The following DDAH1 variants were observed in gnomAD, a reference collection of about 807,000 sequenced individuals.
DDAH1 encodes dimethylarginine dimethylaminohydrolase 1.
Under a neutral mutation model 28.8 loss-of-function variants are expected in DDAH1, and 19 were observed. The ratio of observed to expected loss-of-function variants is 0.66; its 90% CI spans 0.46 to 0.97. DDAH1 has a LOEUF of 0.97. Among genes scored for constraint, DDAH1 ranks in the 50% least tolerant of loss-of-function variants. The pLI, the probability that DDAH1 is intolerant of heterozygous loss-of-function variation, is 0.00. For synonymous variants in DDAH1, 153 were observed against 154.4 expected, an observed-to-expected ratio of 0.99 and a Z score of 0.07; for missense variants, 326 against 375.9, an observed-to-expected ratio of 0.87 and a Z score of 1.10.
chr1:85,451,908 G>A (rs2100671689), intron 1 of DDAH1, among the ~76,000 whole-genome samples: 1 of 152,174 alleles, frequency 6.6e-6, no homozygotes, highest in South Asian at 2.1e-4. Flanking sequence ...TGCCATCCTG[G>A]GCTATAATAT....
At chr1:85,526,359 T>G (rs1657873117) in intron 1 of DDAH1, among the ~76,000 whole-genome samples, 1 of 152,234 alleles carries the variant, frequency 6.6e-6, no homozygotes, top group Non-Finnish European at 1.5e-5. Flanking sequence ...CCCTGGGTTC[T>G]GAGTTTCATT....
At chr1:85,381,099 G>A (rs979863955) in intron 1 of DDAH1, among the ~76,000 whole-genome samples, 1 of 151,742 alleles carries the variant, frequency 6.6e-6, no homozygotes, top group Non-Finnish European at 1.5e-5. Flanking sequence ...TTAGCCGGGC[G>A]TGGTGGTGGG....
intron 2 of DDAH1, among the ~76,000 whole-genome samples, chr1:85,353,613 A>T (rs1226116716): frequency 1.3e-5 from 2 of 152,188 alleles, no homozygotes; most frequent in African/African-American, 4.8e-5. Context: ...TTTTACTTGA[A>T]AAAAGTATTA....
At chr1:85,536,979 AT>A (rs1658305641) in intron 1 of DDAH1, among the ~76,000 whole-genome samples, 14 of 39,672 alleles carry the variant, frequency 3.5e-4, no homozygotes, top group Non-Finnish European at 6.4e-4. Flanking sequence ...ATATATATAT[AT>A]ATATACGTAT....
chr1:85,423,021 T>C (rs1040430917), intron 1 of DDAH1, among the ~76,000 whole-genome samples: 1 of 152,214 alleles, frequency 6.6e-6, no homozygotes, highest in African/African-American at 2.4e-5. Flanking sequence ...CATTTTGTTA[T>C]GGCAGGCTGA....
upstream of DDAH1, among the ~76,000 whole-genome samples, chr1:85,469,155 G>T (rs562515414): frequency 1.3e-5 from 2 of 152,322 alleles, no homozygotes; most frequent in South Asian, 4.1e-4. Context: ...ACGAGCAAGG[G>T]CTGGAAAATA....
chr1:85,457,083 T>C (rs916376154), intron 1 of DDAH1, among the ~76,000 whole-genome samples: 3 of 152,192 alleles, frequency 2.0e-5, no homozygotes, highest in Non-Finnish European at 4.4e-5. Context: ...CAAATCCCTC[T>C]AGACCCAAAA....
At chr1:85,544,897 G>T (rs1172999730) in intron 1 of DDAH1, among the ~76,000 whole-genome samples, 2 of 152,106 alleles carry the variant, frequency 1.3e-5, no homozygotes, top group Non-Finnish European at 2.9e-5. Flanking sequence ...TGTCACACCC[G>T]CACAGATGCC....
chr1:85,353,018 C>T (rs1158267494), intron 2 of DDAH1, among the ~76,000 whole-genome samples: 1 of 151,990 alleles, frequency 6.6e-6, no homozygotes, highest in African/African-American at 2.4e-5. Flanking sequence ...CAGGTCTGAC[C>T]TCTAAAAGCC....
chr1:85,470,203 A>G (rs182047039), intron 2 of DDAH1, among the ~76,000 whole-genome samples: 141 of 152,324 alleles, frequency 9.3e-4, no homozygotes, highest in African/African-American at 3.3e-3. Flanking sequence ...TATAAAGAAA[A>G]AGAGATTTTA....
intron 4 of DDAH1, among the ~76,000 whole-genome samples, chr1:85,325,300 A>T (rs1647301769): frequency 6.6e-6 from 1 of 152,186 alleles, no homozygotes; most frequent in African/African-American, 2.4e-5. Context: ...CAGAATAGTC[A>T]ATAATGTGAA....
chr1:85,404,311 T>C (rs1009164225), intron 1 of DDAH1: 3 of 1,460,274 alleles, frequency 2.1e-6, no homozygotes, highest in Non-Finnish European at 2.8e-6. Flanking sequence ...CTTCTGCCTG[T>C]AGGATTGCAG....
In DDAH1 at chr1:85,465,047, G is replaced by C; in HGVS notation, c.-2C>G. On this transcript the variant is annotated 5_prime_UTR_variant, in exon 1 of 6. Transcript: ENST00000284031. Reference sequence around the variant, plus strand: ...GGCGGGGTGGCCGAGCCCGGCCATGGCTTCGGGAGGCTTAGGGGCGGCGGC... The same window carrying C: ...GGCGGGGTGGCCGAGCCCGGCCATGCCTTCGGGAGGCTTAGGGGCGGCGGC... 1 of 1,296,538 alleles carries C rather than the reference G, an allele frequency of 7.7e-7. No homozygotes were observed. The highest frequency in any genetic ancestry group is 9.8e-7 in the Non-Finnish European group (1 of 1,025,266). The allele number at this position is 1,296,538 out of a possible 1,614,324, so 80.3% of individuals were successfully genotyped here.
intron 1 of DDAH1, among the ~76,000 whole-genome samples, chr1:85,397,096 T>G (rs1651851975): frequency 6.6e-6 from 1 of 152,194 alleles, no homozygotes; most frequent in African/African-American, 2.4e-5. Context: ...AATCATAATT[T>G]TGGTTATTAT....
Position 85,464,102 on chromosome 1 carries a change from G to T in DDAH1, c.303+641C>A, listed in dbSNP as rs548984149. Among the ~76,000 whole-genome samples, 1 of 152,200 alleles carries T rather than the reference G, an allele frequency of 6.6e-6. No individual in the cohort carries two copies. Among genetic ancestry groups the T allele is most frequent in the African/African-American group, 2.4e-5 (1 of 41,452 alleles). On this transcript the variant is annotated intron_variant, in intron 1 of 5. Transcript: ENST00000284031. The surrounding 1 kb of genome is among the most constrained non-coding windows in gnomAD (Gnocchi z 4.4). ...GCACACACACCCAACACCGCACAGAGTACAGCTTTTCAAACCTAGCCCATT... is the reference window on the plus strand; with the variant it reads ...GCACACACACCCAACACCGCACAGATTACAGCTTTTCAAACCTAGCCCATT...
chr1:85,342,906 AG>A (rs1479400517), intron 4 of DDAH1, among the ~76,000 whole-genome samples: 1 of 152,176 alleles, frequency 6.6e-6, no homozygotes, highest in Non-Finnish European at 1.5e-5. Context: ...AGATAAACCC[AG>A]GGTAGTATGT....
rs192821716 is a variant in DDAH1 at position 85,458,157 on chromosome 1, G to A, written c.303+6586C>T. 1.3e-4 allele frequency among the ~76,000 whole-genome samples: 20 copies of A among 152,218 alleles called. No individual in the cohort carries two copies. In the East Asian group the frequency reaches 1.9e-3, roughly 15 times the overall value. On this transcript the variant is annotated intron_variant, in intron 1 of 5. Coordinates refer to ENST00000284031, the MANE Select transcript of DDAH1 (RefSeq NM_012137.4). The stretch of plus-strand genomic sequence containing the variant: ...TTAATTTGCTAACCTAAACTAAGTC[G>A]GGTTCTTGTCCACACTGATTTGTTG...
intron 1 of DDAH1, among the ~76,000 whole-genome samples, chr1:85,388,798 A>AT (rs1394324085): frequency 6.6e-6 from 1 of 152,092 alleles, no homozygotes; most frequent in African/African-American, 2.4e-5. Context: ...TGATGAAGCT[A>AT]TTTCTATCTA....
intron 1 of DDAH1, among the ~76,000 whole-genome samples, chr1:85,379,080 C>A (rs951347531): frequency 1.3e-5 from 2 of 152,166 alleles, no homozygotes; most frequent in Non-Finnish European, 2.9e-5. Context: ...TACATTATTT[C>A]CATTATGGTT....
Sources: gnomAD v4.1 joint callset for allele counts (sites outside exome capture counted in the v4.1 genomes callset) on GRCh38, gnomAD v4.1.1 for gene constraint, Gnocchi (gnomAD v3.1) non-coding constraint, MANE v1.5 for transcripts, NCBI Gene and HGNC (gene_info 2026-07-23, HGNC 2026-07-21) for gene names.